NAALADL2: variants seen among roughly 807,000 people sequenced by gnomAD.
The protein encoded by NAALADL2 is N-acetylated alpha-linked acidic dipeptidase like 2, also known as inactive N-acetylated-alpha-linked acidic dipeptidase-like protein 2.
Under a neutral mutation model 87.2 loss-of-function variants are expected in NAALADL2, and 76 were observed. That is an observed-to-expected ratio of 0.87 (90% CI 0.72 to 1.05). The LOEUF is 1.05. Ranked by LOEUF, NAALADL2 falls within the 50% of genes least tolerant of loss-of-function variation. NAALADL2 has a pLI of 0.00. For missense variants in NAALADL2, 1,089 were observed against 945.8 expected (o/e 1.15, Z -1.99); for synonymous variants, 354 against 331.0 (o/e 1.07, Z -0.75).
intron 9 of NAALADL2, among the ~76,000 whole-genome samples, chr3:175,505,134 T>G (rs1335947834): frequency 6.6e-6 from 1 of 151,916 alleles, no homozygotes; most frequent in Non-Finnish European, 1.5e-5. Context: ...TGTGAGAAAC[T>G]CTACCTAGTT....
intron 13 of NAALADL2, among the ~76,000 whole-genome samples, chr3:175,797,186 T>C (rs1753602960): frequency 6.6e-6 from 1 of 152,144 alleles, no homozygotes. Flanking sequence ...AGTAGTCTCT[T>C]TATGTTGTGT....
intron 3 of NAALADL2, among the ~76,000 whole-genome samples, chr3:175,247,880 A>G (rs1443390686): frequency 6.6e-6 from 1 of 152,196 alleles, no homozygotes; most frequent in Non-Finnish European, 1.5e-5. Context: ...TTTTATCATC[A>G]TCCAGATTGG....
intron 1 of NAALADL2, among the ~76,000 whole-genome samples, chr3:175,043,508 G>A (rs746002225): frequency 1.3e-5 from 2 of 152,066 alleles, no homozygotes; most frequent in African/African-American, 2.4e-5. Context: ...AAGTGCTGGC[G>A]TTACAGGTGT....
chr3:175,786,579 G>A (rs1007280385), intron 13 of NAALADL2, among the ~76,000 whole-genome samples: 3 of 151,966 alleles, frequency 2.0e-5, no homozygotes, highest in Admixed American at 2.0e-4. Flanking sequence ...CTCTGTATTG[G>A]TTATTCTAGT....
intron 1 of NAALADL2, among the ~76,000 whole-genome samples, chr3:175,043,385 C>T (rs1281274236): frequency 2.0e-5 from 3 of 151,952 alleles, no homozygotes; most frequent in African/African-American, 4.8e-5. Flanking sequence ...ATTACAGGCA[C>T]GCGCCACGAT....
chr3:174,835,733 C>CCAACAAGCATGTGAAAAGATACT (rs1208688738), intron 3 of NAALADL2, among the ~76,000 whole-genome samples: 13 of 152,108 alleles, frequency 8.5e-5, no homozygotes, highest in African/African-American at 2.9e-4. Context: ...ATACAAATGA[C>CCAACAAGCATGTGAAAAGATACT]CAACAAGCAT....
chr3:174,781,142 A>C (rs1715925980), intron 3 of NAALADL2, among the ~76,000 whole-genome samples: 2 of 152,086 alleles, frequency 1.3e-5, no homozygotes, highest in Non-Finnish European at 2.9e-5. Flanking sequence ...TTCTGCAGAG[A>C]GATCCGCTGT....
chr3:175,397,230 A>G (rs1157434544), intron 5 of NAALADL2: 1 of 152,018 alleles, frequency 6.6e-6, no homozygotes, highest in Non-Finnish European at 1.5e-5. Flanking sequence ...AGTTGTTATT[A>G]TTTTATACAT....
At chr3:175,310,234 A>G (rs1289807861) in intron 4 of NAALADL2, among the ~76,000 whole-genome samples, 2 of 152,208 alleles carry the variant, frequency 1.3e-5, no homozygotes, top group Non-Finnish European at 2.9e-5. Context: ...TAATGCCAAA[A>G]TAAATGACTT....
chr3:174,639,810 T>C (rs1455619444), intron 2 of NAALADL2, among the ~76,000 whole-genome samples: 2 of 152,244 alleles, frequency 1.3e-5, no homozygotes, highest in African/African-American at 4.8e-5. Context: ...TGCTAAATCT[T>C]GTTAATATTG....
intron 6 of NAALADL2, among the ~76,000 whole-genome samples, chr3:175,455,157 G>C (rs1249176234): frequency 6.6e-6 from 1 of 151,956 alleles, no homozygotes; most frequent in East Asian, 1.9e-4. Context: ...AGCCAGGGAG[G>C]GTACTGGAAA....
chr3:175,276,660 C>G (rs1029901814), intron 4 of NAALADL2, among the ~76,000 whole-genome samples: 1 of 152,110 alleles, frequency 6.6e-6, no homozygotes, highest in Non-Finnish European at 1.5e-5. Flanking sequence ...AAGTAATTTT[C>G]ACAAGTCATG....
intron 11 of NAALADL2, among the ~76,000 whole-genome samples, chr3:175,726,761 T>A (rs1283637656): frequency 6.6e-6 from 1 of 152,142 alleles, no homozygotes; most frequent in Admixed American, 6.6e-5. Context: ...CAAACTAGGA[T>A]TCCTGGTAAA....
intron 5 of NAALADL2, among the ~76,000 whole-genome samples, chr3:175,406,862 T>G (rs2149077546): frequency 6.6e-6 from 1 of 152,220 alleles, no homozygotes; most frequent in South Asian, 2.1e-4. Flanking sequence ...TTTATTCAAA[T>G]AAAAATCATA....
intron 2 of NAALADL2, among the ~76,000 whole-genome samples, chr3:175,132,685 G>A (rs147672944): frequency 0.26 from 29,299 of 111,388 alleles, 5,437 homozygotes; most frequent in East Asian, 0.36. Flanking sequence ...CCTCCCGGAC[G>A]GGGCAGCTGG....
At chr3:175,591,036 A>AAG (rs1003741346) in intron 10 of NAALADL2, among the ~76,000 whole-genome samples, 19 of 152,042 alleles carry the variant, frequency 1.2e-4, no homozygotes, top group Admixed American at 9.8e-4. Context: ...CCTGTAAGGC[A>AAG]AGAGAAAAAT....
In NAALADL2 at chr3:174,535,461, T is replaced by C. The variant is rs146025068; in HGVS notation, c.-183-15108T>C. Among the ~76,000 whole-genome samples, 520 of 152,272 alleles carry C rather than the reference T, an allele frequency of 3.4e-3. 4 individuals carry two copies. Among genetic ancestry groups the C allele is most frequent in the African/African-American group, 0.012 (497 of 41,566 alleles). Reference sequence around the variant, plus strand: ...TCCCTCATTCTACTGTTGTTAGTAATTTTGTTATTGTATTTGAGAAATATC... The same window carrying C: ...TCCCTCATTCTACTGTTGTTAGTAACTTTGTTATTGTATTTGAGAAATATC... On this transcript the variant is annotated intron_variant, in intron 1 of 3. Coordinates refer to the NAALADL2 transcript ENST00000434257.
intron 2 of NAALADL2, among the ~76,000 whole-genome samples, chr3:174,693,435 CTTTA>C (rs1728759524): frequency 6.6e-6 from 1 of 152,020 alleles, no homozygotes; most frequent in South Asian, 2.1e-4. Context: ...ATCTTTTGGT[CTTTA>C]TTTTACTACC....
At chr3:175,284,684 GA>G (rs1488783321) in intron 4 of NAALADL2, among the ~76,000 whole-genome samples, 2 of 151,942 alleles carry the variant, frequency 1.3e-5, no homozygotes, top group African/African-American at 4.8e-5. Context: ...TAACAGATAG[GA>G]AAAGAAATTA....
Sources: allele counts gnomAD v4.1 joint callset (sites outside exome capture counted in the v4.1 genomes callset), GRCh38; gene constraint gnomAD v4.1.1; transcripts MANE v1.5; gene names NCBI Gene and HGNC (gene_info 2026-07-23, HGNC 2026-07-21).